Variants in LEKR1 observed in about 807,000 individuals in gnomAD.
The protein encoded by LEKR1 is leucine, glutamate and lysine rich 1, also known as protein LEKR1.
Under a neutral mutation model 72.4 loss-of-function variants are expected in LEKR1, and 59 were observed. The ratio of observed to expected loss-of-function variants is 0.82; its 90% CI spans 0.66 to 1.01. The LOEUF is 1.01. LEKR1 is among the 50% of genes least tolerant of loss of function. The pLI is 0.00. For missense variants in LEKR1, 728 were observed against 759.2 expected, an observed-to-expected ratio of 0.96 and a Z score of 0.48; for synonymous variants, 257 against 263.2, an observed-to-expected ratio of 0.98 and a Z score of 0.23.
chr3:156,909,557 A>G (rs1204008815), intron 3 of LEKR1, among the ~76,000 whole-genome samples: 1 of 151,390 alleles, frequency 6.6e-6, no homozygotes, highest in African/African-American at 2.4e-5. Context: ...AGGCTGAGGC[A>G]GGAGAATCGT....
chr3:156,938,481 A>G (rs1029340975), intron 5 of LEKR1, among the ~76,000 whole-genome samples: 9 of 152,128 alleles, frequency 5.9e-5, no homozygotes, highest in Non-Finnish European at 1.2e-4. Flanking sequence ...GATTCGAGCT[A>G]TTCTCCTGCC....
At chr3:156,999,496 T>C (rs1391458505) in intron 9 of LEKR1, among the ~76,000 whole-genome samples, 1 of 152,184 alleles carries the variant, frequency 6.6e-6, no homozygotes, top group Non-Finnish European at 1.5e-5. Context: ...TAAGTGCTTC[T>C]GTAGACATTA....
intron 6 of LEKR1, among the ~76,000 whole-genome samples, chr3:156,972,587 G>A (rs577097854): frequency 1.2e-4 from 18 of 150,782 alleles, no homozygotes; most frequent in Non-Finnish European, 1.9e-4. Flanking sequence ...ATCATTCACC[G>A]AGGCCAAATG....
At chr3:156,836,064 G>C (rs1321616675) in intron 2 of LEKR1, among the ~76,000 whole-genome samples, 1 of 151,450 alleles carries the variant, frequency 6.6e-6, no homozygotes, top group Non-Finnish European at 1.5e-5. Context: ...AGTAGAGAGG[G>C]GCTTTCGTCA....
intron 11 of LEKR1, among the ~76,000 whole-genome samples, chr3:157,027,819 CT>C (rs953585168): frequency 2.0e-5 from 3 of 151,432 alleles, no homozygotes; most frequent in Non-Finnish European, 4.4e-5. Context: ...AAGACCCTGT[CT>C]CAAAAAAAAA....
intron 12 of LEKR1, among the ~76,000 whole-genome samples, chr3:157,035,496 A>G (rs1325334773): frequency 6.6e-6 from 1 of 152,218 alleles, no homozygotes; most frequent in African/African-American, 2.4e-5. Context: ...GAGACTTCCC[A>G]GTACCCTTCA....
chr3:156,922,093 C>T (rs1223502817), intron 4 of LEKR1, among the ~76,000 whole-genome samples: 1 of 151,988 alleles, frequency 6.6e-6, no homozygotes, highest in Non-Finnish European at 1.5e-5. Context: ...ATACTAAAAA[C>T]AATTTTGGAA....
intron 3 of LEKR1, among the ~76,000 whole-genome samples, chr3:156,886,512 G>T (rs1481163053): frequency 6.6e-6 from 1 of 152,118 alleles, no homozygotes; most frequent in African/African-American, 2.4e-5. Flanking sequence ...AATTTCAGCT[G>T]GGAGCTTCCC....
In LEKR1 at chr3:156,983,967, A is replaced by T. The variant is rs532182222; in HGVS notation, c.827+4692A>T. Among the ~76,000 whole-genome samples, 150 of 152,288 alleles carry T rather than the reference A, an allele frequency of 9.8e-4. 1 individual carries two copies. The highest frequency in any genetic ancestry group is 3.5e-3 in the African/African-American group (145 of 41,560). ...AAAGTGGCTATGAATTCACACAGAA[A>T]ATCCTTAACACCCTAGAAAATTGTT... On this transcript the variant is annotated intron_variant, in intron 7 of 12. Transcript: ENST00000356539.
intron 3 of LEKR1, among the ~76,000 whole-genome samples, chr3:156,878,459 T>G (rs879434013): frequency 1.3e-5 from 2 of 152,218 alleles, no homozygotes; most frequent in Non-Finnish European, 2.9e-5. Flanking sequence ...CAAGTTAATT[T>G]CCAGTTTTAT....
At chr3:156,997,120 A>G (rs2108012659) in intron 9 of LEKR1, among the ~76,000 whole-genome samples, 1 of 149,244 alleles carries the variant, frequency 6.7e-6, no homozygotes, top group East Asian at 1.9e-4. Flanking sequence ...AGCTTTTGAC[A>G]TTACTGTCCT....
chr3:157,015,637 C>T (rs943249981), intron 10 of LEKR1, among the ~76,000 whole-genome samples: 2 of 152,020 alleles, frequency 1.3e-5, no homozygotes, highest in Non-Finnish European at 2.9e-5. Flanking sequence ...TATCTAGCAC[C>T]GAACAAGGTA....
chr3:156,905,179 G>A (rs954188948), intron 3 of LEKR1, among the ~76,000 whole-genome samples: 6 of 152,112 alleles, frequency 3.9e-5, no homozygotes, highest in African/African-American at 1.2e-4. Context: ...TCCCTTACCT[G>A]TTAGCAAAGG....
intron 3 of LEKR1, among the ~76,000 whole-genome samples, chr3:156,856,774 G>C (rs868239614): frequency 6.6e-6 from 1 of 151,802 alleles, no homozygotes; most frequent in African/African-American, 2.4e-5. Context: ...TTTATTAGTT[G>C]TTTGAATTTT....
intron 4 of LEKR1, among the ~76,000 whole-genome samples, chr3:156,922,352 GA>G (rs1724277668): frequency 1.3e-5 from 2 of 148,890 alleles, no homozygotes; most frequent in Admixed American, 1.3e-4. Context: ...TCTTAATAAA[GA>G]AAAAGAGCTT....
chr3:156,899,850 A>G (rs1352518606), intron 3 of LEKR1, among the ~76,000 whole-genome samples: 1 of 151,360 alleles, frequency 6.6e-6, no homozygotes, highest in Non-Finnish European at 1.5e-5. Flanking sequence ...ATGTGTATAT[A>G]TGTATATGTG....
intron 12 of LEKR1, among the ~76,000 whole-genome samples, chr3:157,038,379 A>G (rs1735110803): frequency 6.6e-6 from 1 of 152,202 alleles, no homozygotes; most frequent in Non-Finnish European, 1.5e-5. Context: ...GGACATGTTG[A>G]TCTTAATATG....
chr3:156,859,173 A>G (rs1020159269), intron 3 of LEKR1, among the ~76,000 whole-genome samples: 2 of 152,198 alleles, frequency 1.3e-5, no homozygotes, highest in Admixed American at 6.5e-5. Flanking sequence ...TTCAAATTAC[A>G]TATATTTGTA....
intron 9 of LEKR1, among the ~76,000 whole-genome samples, chr3:157,007,455 C>T (rs1370295868): frequency 6.6e-6 from 1 of 152,222 alleles, no homozygotes; most frequent in Non-Finnish European, 1.5e-5. Flanking sequence ...AAGAAATGTT[C>T]CCCTCCTTTA....
Sources: gnomAD v4.1 joint callset for allele counts (sites outside exome capture counted in the v4.1 genomes callset) on GRCh38, gnomAD v4.1.1 for gene constraint, MANE v1.5 for transcripts, NCBI Gene and HGNC (gene_info 2026-07-23, HGNC 2026-07-21) for gene names.